Variants in LMF1 observed in about 807,000 individuals in gnomAD.
LMF1 encodes the protein lipase maturation factor 1.
A neutral mutation model predicts 60.6 loss-of-function variants in LMF1; 68 were observed. The observed-to-expected ratio is 1.12, with a 90% CI of 0.92 to 1.37. LMF1 has a LOEUF of 1.37. LMF1 is among the 40% of genes most tolerant of loss of function. The probability of loss-of-function intolerance (pLI) is 0.00; values close to 1 mark genes in which losing one functional copy is unlikely to be tolerated. For synonymous variants in LMF1, 418 were observed against 324.7 expected, an observed-to-expected ratio of 1.29 and a Z score of -3.09; for missense variants, 948 against 767.2, an observed-to-expected ratio of 1.24 and a Z score of -2.78.
chr16:855,695 T>G (rs2069166604), intron 10 of LMF1: 2 of 455,452 alleles, frequency 4.4e-6, no homozygotes, highest in South Asian at 3.1e-5. Flanking sequence ...AGCTGCCCGG[T>G]GGGTGTGATG....
At chr16:858,355 GC>G (rs201021232) in intron 10 of LMF1, among the ~76,000 whole-genome samples, 27 of 48,408 alleles carry the variant, frequency 5.6e-4, no homozygotes, top group Non-Finnish European at 6.2e-4. Context: ...GGACGGGTGT[GC>G]AGTGGTGTCT....
At chr16:855,687 C>T (rs1020467907) in intron 10 of LMF1, 2 of 455,724 alleles carry the variant, frequency 4.4e-6, no homozygotes, top group Non-Finnish European at 8.8e-6. Flanking sequence ...TGGGCCCCAG[C>T]TGCCCGGTGG....
At chr16:917,596 T>G (rs1277615828) in intron 3 of LMF1, among the ~76,000 whole-genome samples, 3 of 152,192 alleles carry the variant, frequency 2.0e-5, no homozygotes, top group African/African-American at 7.2e-5. Context: ...TCTAGGGGCT[T>G]GTCCAGGCCC....
At chr16:865,477 G>A (rs1250932544) in intron 10 of LMF1, among the ~76,000 whole-genome samples, 2 of 152,118 alleles carry the variant, frequency 1.3e-5, no homozygotes, top group Admixed American at 6.5e-5. Context: ...AGCTTCCTGA[G>A]TAGCTGGGAT....
chr16:855,563 A>G (rs7205392), intron 10 of LMF1: 11,495 of 373,976 alleles, frequency 0.031, 910 homozygotes, highest in African/African-American at 0.18. Flanking sequence ...GCCAGGAGGA[A>G]TTGTCACCGT....
chr16:975,067 G>A (rs983571282), upstream of LMF1, among the ~76,000 whole-genome samples: 1 of 152,160 alleles, frequency 6.6e-6, no homozygotes, highest in Non-Finnish European at 1.5e-5. Context: ...GGCTGAGAGA[G>A]CAGGTGTTGT....
chr16:856,509 G>A (rs1025248830), intron 10 of LMF1, among the ~76,000 whole-genome samples: 23 of 152,180 alleles, frequency 1.5e-4, no homozygotes, highest in Admixed American at 2.0e-4. Flanking sequence ...GGGAGGGTGG[G>A]GATCCTGGGA....
At chr16:882,458 G>C (rs999726332) in intron 5 of LMF1, among the ~76,000 whole-genome samples, 3 of 152,240 alleles carry the variant, frequency 2.0e-5, no homozygotes, top group Non-Finnish European at 4.4e-5. Flanking sequence ...GGAAGCCAAT[G>C]GTGGCCATGT....
chr16:915,709 G>A (rs2071260774), intron 3 of LMF1, among the ~76,000 whole-genome samples: 1 of 152,264 alleles, frequency 6.6e-6, no homozygotes, highest in Admixed American at 6.5e-5. Flanking sequence ...GGTGGAGCCT[G>A]AGATGGGGTT....
rs548026168 is a variant in LMF1 at position 964,928 on chromosome 16, G to A, written c.193+5860C>T. 7.2e-5 allele frequency among the ~76,000 whole-genome samples: 11 copies of A among 152,354 alleles called. No individual in the cohort carries two copies. In the South Asian group the frequency reaches 2.3e-3, roughly 32 times the overall value. ...CACGCGGAAAAGAAGGAAGGGCGGT[G>A]AGCAGGCGCACAGAACAGACGCCAC... On this transcript the variant is annotated intron_variant, in intron 1 of 10. Coordinates refer to ENST00000262301, the MANE Select transcript of LMF1 (RefSeq NM_022773.4).
rs114358148 is a variant in LMF1 at position 856,402 on chromosome 16, G to A, written c.1530-1696C>T. Reference sequence around the variant, plus strand: ...CGGCCGTGAGGGCGCTGGGCTGTGCGGGCAGCATGGTCCCTGCACACTCTC... The same window carrying A: ...CGGCCGTGAGGGCGCTGGGCTGTGCAGGCAGCATGGTCCCTGCACACTCTC... On this transcript the variant is annotated intron_variant, in intron 10 of 10. Coordinates refer to ENST00000262301, the MANE Select transcript of LMF1 (RefSeq NM_022773.4). Among the ~76,000 whole-genome samples the A allele has an allele frequency of 4.6e-5, 7 of 152,194 alleles. No homozygotes were observed. The South Asian group carries it at 6.2e-4, about 13-fold the overall frequency.
rs11642252 is a variant in LMF1 at position 894,065 on chromosome 16, C to G, written c.664-993G>C. On this transcript the variant is annotated intron_variant, in intron 4 of 10. Transcript: ENST00000262301. ...CTCGTCCCCTGTCCACCAGACCATC[C>G]GCCCACCCGTCCCCCTGTCCACCGG... Among the ~76,000 whole-genome samples the G allele has an allele frequency of 9.3e-3, 1,152 of 123,312 alleles. 16 individuals are homozygous for G. Among genetic ancestry groups the G allele is most frequent in the Non-Finnish European group, 0.014 (742 of 54,904 alleles). The allele number at this position is 123,312 out of a possible 152,430, so 80.9% of individuals were successfully genotyped here.
intron 4 of LMF1, among the ~76,000 whole-genome samples, chr16:896,656 C>T (rs2070669489): frequency 6.6e-6 from 1 of 152,128 alleles, no homozygotes; most frequent in Non-Finnish European, 1.5e-5. Context: ...TGATGAAATG[C>T]ACGGCTCCAC....
chr16:970,940 G>A lies in LMF1; in HGVS notation c.41C>T (p.Ser14Leu). The stretch of plus-strand genomic sequence containing the variant: ...GTACCCAGTCTTCCGCCTCCTCAGC[G>A]ACTCCGCGGGCGCCGCCATTGTTGG... ...DSPTMAAPAE[S>L]LRRRKTGYSD... Residue 14 changes from serine (S) to leucine (L), a missense_variant, in exon 1 of 11, where the codon TCG becomes TTG. Coordinates refer to ENST00000262301, the MANE Select transcript of LMF1 (RefSeq NM_022773.4). 6.4e-7 allele frequency: 1 copy of A among 1,550,526 alleles called. No homozygotes were observed. The highest frequency in any genetic ancestry group is 8.7e-7 in the Non-Finnish European group (1 of 1,144,234).
At chr16:918,461 G>C (rs1422174663) in intron 3 of LMF1, among the ~76,000 whole-genome samples, 2 of 152,268 alleles carry the variant, frequency 1.3e-5, no homozygotes, top group African/African-American at 2.4e-5. Context: ...GGCAAAGAGT[G>C]TTTAGGATTA....
intron 5 of LMF1, among the ~76,000 whole-genome samples, chr16:880,362 G>A (rs763111844): frequency 2.5e-4 from 38 of 152,174 alleles, no homozygotes; most frequent in Non-Finnish European, 4.9e-4. Flanking sequence ...GTGGGAACTT[G>A]CCCTGCACCA....
At chr16:914,542 TTCC>T (rs2071218348) in intron 3 of LMF1, among the ~76,000 whole-genome samples, 2 of 67,294 alleles carry the variant, frequency 3.0e-5, no homozygotes, top group African/African-American at 5.1e-5. Context: ...CCCTCCCTCC[TTCC>T]CATGACCACT....
At chr16:923,654 C>T (rs1234979270) in intron 3 of LMF1, among the ~76,000 whole-genome samples, 1 of 152,144 alleles carries the variant, frequency 6.6e-6, no homozygotes, top group East Asian at 1.9e-4. Context: ...CTGAGCCTTA[C>T]CCTCAATACA....
chr16:976,670 C>T (rs534886787), intron 1 of LMF1: 20 of 454,080 alleles, frequency 4.4e-5, no homozygotes, highest in South Asian at 1.1e-4. Context: ...AGAGTGGAGA[C>T]GGATAGGCCC....
Sources: allele counts gnomAD v4.1 joint callset (sites outside exome capture counted in the v4.1 genomes callset), GRCh38; gene constraint gnomAD v4.1.1; transcripts MANE v1.5; gene names NCBI Gene and HGNC (gene_info 2026-07-23, HGNC 2026-07-21).